HMGA2: variants seen among roughly 807,000 people sequenced by gnomAD.
The protein encoded by HMGA2 is high mobility group protein HMGI-C.
A neutral mutation model predicts 19.1 loss-of-function variants in HMGA2; 8 were observed. The ratio of observed to expected loss-of-function variants is 0.42; its 90% CI spans 0.25 to 0.76. HMGA2 has a LOEUF of 0.76. Among genes scored for constraint, HMGA2 ranks in the 30% least tolerant of loss-of-function variants. The pLI, the probability that HMGA2 is intolerant of heterozygous loss-of-function variation, is 0.28. For synonymous variants in HMGA2, 60 were observed against 48.8 expected (o/e 1.23, Z -0.96); for missense variants, 109 against 136.3 (o/e 0.80, Z 1.00).
At chr12:65,947,444 A>G (rs1364380475) in intron 3 of HMGA2, among the ~76,000 whole-genome samples, 2 of 152,120 alleles carry the variant, frequency 1.3e-5, no homozygotes, top group African/African-American at 4.8e-5. Context: ...AATTTCTTCA[A>G]AGTCCTTTGG....
intron 3 of HMGA2, among the ~76,000 whole-genome samples, chr12:65,873,355 C>T (rs544026527): frequency 2.3e-4 from 35 of 152,280 alleles, no homozygotes; most frequent in African/African-American, 7.0e-4. Flanking sequence ...GCACCAAATA[C>T]GGCAGCCATC....
intron 3 of HMGA2, among the ~76,000 whole-genome samples, chr12:65,949,550 G>A (rs180791481): frequency 1.3e-5 from 2 of 152,252 alleles, no homozygotes; most frequent in East Asian, 3.9e-4. Flanking sequence ...ATGAGAGTGA[G>A]GACTGGAAGC....
intron 3 of HMGA2, among the ~76,000 whole-genome samples, chr12:65,933,246 G>A (rs776250165): frequency 2.6e-5 from 4 of 152,096 alleles, no homozygotes; most frequent in Admixed American, 6.6e-5. Context: ...GTAACCTGGG[G>A]ACGATTCCGT....
At chr12:65,844,708 A>C (rs947163262) in intron 3 of HMGA2, among the ~76,000 whole-genome samples, 1 of 152,218 alleles carries the variant, frequency 6.6e-6, no homozygotes, top group African/African-American at 2.4e-5. Context: ...CCAGTTTAGC[A>C]TGGCCAACCT....
chr12:65,925,400 T>C (rs1875471877), intron 3 of HMGA2, among the ~76,000 whole-genome samples: 1 of 152,178 alleles, frequency 6.6e-6, no homozygotes. Context: ...AATTTTTAGT[T>C]CCAAGAACTT....
At chr12:65,949,358 C>T (rs1876377493) in intron 3 of HMGA2, among the ~76,000 whole-genome samples, 1 of 151,642 alleles carries the variant, frequency 6.6e-6, no homozygotes, top group African/African-American at 2.4e-5. Flanking sequence ...GAGAGGAACT[C>T]TGAGAGGAAG....
chr12:65,840,237 T>G (rs557596060), intron 3 of HMGA2, among the ~76,000 whole-genome samples: 1 of 152,292 alleles, frequency 6.6e-6, no homozygotes, highest in South Asian at 2.1e-4. Flanking sequence ...AACTTAATAG[T>G]GTAAAAAAAC....
intron 2 of HMGA2, among the ~76,000 whole-genome samples, chr12:65,831,818 G>T (rs1870491140): frequency 6.6e-6 from 1 of 151,882 alleles, no homozygotes; most frequent in East Asian, 1.9e-4. Flanking sequence ...AAATCATTCA[G>T]CATAAATGCT....
At chr12:65,891,516 T>C (rs1364837738) in intron 3 of HMGA2, among the ~76,000 whole-genome samples, 2 of 152,200 alleles carry the variant, frequency 1.3e-5, no homozygotes, top group East Asian at 1.9e-4. Context: ...CTGTGGAAGA[T>C]TGGTCCTACG....
At chr12:65,843,694 AC>A (rs1871105925) in intron 3 of HMGA2, among the ~76,000 whole-genome samples, 1 of 150,468 alleles carries the variant, frequency 6.6e-6, no homozygotes, top group Non-Finnish European at 1.5e-5. Flanking sequence ...ACACACACAC[AC>A]ACAAGCACAC....
intron 3 of HMGA2, among the ~76,000 whole-genome samples, chr12:65,948,851 T>G (rs1461246889): frequency 6.6e-6 from 1 of 152,176 alleles, no homozygotes; most frequent in African/African-American, 2.4e-5. Flanking sequence ...GGCAGCTCTT[T>G]CAGAGGATTT....
chr12:65,830,873 T>A (rs1870446563), intron 2 of HMGA2: 1 of 152,060 alleles, frequency 6.6e-6, no homozygotes, highest in African/African-American at 2.4e-5. Flanking sequence ...TTGGAACTTT[T>A]GGAAGAGAAG....
chr12:65,858,620 T>C, intron 3 of HMGA2: 1 of 152,186 alleles, frequency 6.6e-6, no homozygotes, highest in East Asian at 1.9e-4. Context: ...ATTTGTACCT[T>C]TACATATTGA....
chr12:65,939,977 A>C (rs1414641328), intron 3 of HMGA2, among the ~76,000 whole-genome samples: 10 of 152,198 alleles, frequency 6.6e-5, no homozygotes, highest in Non-Finnish European at 2.9e-5. Flanking sequence ...ACAGACAATA[A>C]CACATAATAC....
chr12:65,898,979 G>A (rs1874254866), intron 3 of HMGA2, among the ~76,000 whole-genome samples: 1 of 145,918 alleles, frequency 6.9e-6, no homozygotes, highest in South Asian at 2.2e-4. Context: ...GGGAGGCTGA[G>A]CTTGCAGTAA....
At chr12:65,864,894 G>A (rs1345001624) in intron 3 of HMGA2, among the ~76,000 whole-genome samples, 2 of 152,052 alleles carry the variant, frequency 1.3e-5, no homozygotes, top group Non-Finnish European at 2.9e-5. Context: ...TGAGCTGGAC[G>A]GGTCCACTTA....
chr12:65,931,866 G>GA (rs1421267312), intron 3 of HMGA2, among the ~76,000 whole-genome samples: 2 of 152,108 alleles, frequency 1.3e-5, no homozygotes, highest in African/African-American at 4.8e-5. Context: ...GCAGCTCTAT[G>GA]ATCATGCCCC....
rs565595984 is a variant in HMGA2 at position 65,893,165 on chromosome 12, G to A, written c.249+54596G>A. On this transcript the variant is annotated intron_variant, in intron 3 of 4. Transcript: ENST00000403681. ...GGAGACAAGGTCCTGCATGAAGGAGGGTGAAATTACAGCTCAACTCTCGAA... is the reference window on the plus strand; with the variant it reads ...GGAGACAAGGTCCTGCATGAAGGAGAGTGAAATTACAGCTCAACTCTCGAA... Among the ~76,000 whole-genome samples the A allele has an allele frequency of 3.5e-4, 53 of 152,228 alleles. 1 individual carries two copies. The South Asian group carries it at 0.011, about 31-fold the overall frequency.
chr12:65,964,138 C>A lies in HMGA2; in HGVS notation c.*846C>A, dbSNP rs1420588866. ...TAAATAACACTTGTCAGCCTCAGAG[C>A]ATTTAAGGAAACTAGACAAGTAAAA... On this transcript the variant is annotated 3_prime_UTR_variant, in exon 5 of 5. Coordinates refer to ENST00000403681, the MANE Select transcript of HMGA2 (RefSeq NM_003483.6). The A allele has an allele frequency of 2.0e-5, 4 of 204,408 alleles. No individual in the cohort carries two copies. Among genetic ancestry groups the A allele is most frequent in the Non-Finnish European group, 4.0e-5 (4 of 100,146 alleles). 12.7% of individuals were successfully genotyped at this position (204,408 alleles called of 1,614,324 possible).
Sources: allele counts gnomAD v4.1 joint callset (sites outside exome capture counted in the v4.1 genomes callset), GRCh38; gene constraint gnomAD v4.1.1; transcripts MANE v1.5; gene names NCBI Gene and HGNC (gene_info 2026-07-23, HGNC 2026-07-21).